RXRG: variants seen among roughly 807,000 people sequenced by gnomAD.
RXRG encodes retinoic acid receptor RXR-gamma.
A neutral mutation model predicts 49.2 loss-of-function variants in RXRG; 19 were observed. The observed-to-expected ratio is 0.39, with a 90% CI of 0.27 to 0.57. The LOEUF (loss-of-function observed/expected upper bound fraction) is 0.57, where lower values mean the gene tolerates loss of function less well. Ranked by LOEUF, RXRG falls within the 20% of genes least tolerant of loss-of-function variation. The probability of loss-of-function intolerance (pLI) is 0.64; values close to 1 mark genes in which losing one functional copy is unlikely to be tolerated. For synonymous variants in RXRG, 224 were observed against 216.6 expected, an observed-to-expected ratio of 1.03 and a Z score of -0.30; for missense variants, 452 against 592.5, an observed-to-expected ratio of 0.76 and a Z score of 2.46.
At chr1:165,441,661 T>C (rs1044890758) in intron 1 of RXRG, among the ~76,000 whole-genome samples, 2 of 152,130 alleles carry the variant, frequency 1.3e-5, no homozygotes, top group Non-Finnish European at 2.9e-5. Flanking sequence ...GTTTGTTAAA[T>C]GAAATGAGAG....
intron 1 of RXRG, among the ~76,000 whole-genome samples, chr1:165,441,796 A>T (rs914679234): frequency 6.6e-6 from 1 of 152,150 alleles, no homozygotes; most frequent in Non-Finnish European, 1.5e-5. Context: ...AGAAAAACAA[A>T]CCTATTACTG....
intron 1 of RXRG, among the ~76,000 whole-genome samples, chr1:165,440,764 C>G (rs157886): frequency 4.0e-5 from 6 of 151,898 alleles, no homozygotes; most frequent in Admixed American, 2.6e-4. Context: ...GGCACACCCG[C>G]GATCCAATGC....
At chr1:165,407,835 G>T (rs1657804249) in intron 8 of RXRG, among the ~76,000 whole-genome samples, 1 of 137,106 alleles carries the variant, frequency 7.3e-6, no homozygotes. Flanking sequence ...TTTTCCCATT[G>T]TTCAGGAAAA....
chr1:165,421,451 G>GA (rs999358743), intron 2 of RXRG, among the ~76,000 whole-genome samples: 1 of 150,286 alleles, frequency 6.7e-6, no homozygotes, highest in Non-Finnish European at 1.5e-5. Flanking sequence ...TGGGGGCTTT[G>GA]AAAAAAAACA....
chr1:165,438,274 A>G (rs1420366415), intron 1 of RXRG, among the ~76,000 whole-genome samples: 1 of 152,208 alleles, frequency 6.6e-6, no homozygotes, highest in African/African-American at 2.4e-5. Flanking sequence ...GCTCAAAGGA[A>G]ATGCTAATTG....
At chr1:165,405,477 G>A (rs971531473) in intron 9 of RXRG, among the ~76,000 whole-genome samples, 3 of 152,266 alleles carry the variant, frequency 2.0e-5, no homozygotes, top group Non-Finnish European at 4.4e-5. Flanking sequence ...GCTGGGCCAC[G>A]TGACTTGGCA....
intron 9 of RXRG, among the ~76,000 whole-genome samples, chr1:165,403,417 A>G (rs907642537): frequency 2.6e-5 from 4 of 152,238 alleles, no homozygotes; most frequent in Admixed American, 6.5e-5. Context: ...TAGAATTTCA[A>G]TGTTCCTTGA....
chr1:165,437,663 C>T (rs568328783), intron 1 of RXRG, among the ~76,000 whole-genome samples: 24 of 152,106 alleles, frequency 1.6e-4, no homozygotes, highest in Admixed American at 3.3e-4. Flanking sequence ...ACTTTAGGAA[C>T]GAGAGGAGAA....
chr1:165,434,089 T>G (rs765412756), intron 1 of RXRG, among the ~76,000 whole-genome samples: 1 of 152,190 alleles, frequency 6.6e-6, no homozygotes, highest in Non-Finnish European at 1.5e-5. Flanking sequence ...TCCTCATTCA[T>G]AAATTGAGAC....
At chr1:165,425,595 A>C (rs758058414) in intron 2 of RXRG, among the ~76,000 whole-genome samples, 22 of 152,212 alleles carry the variant, frequency 1.4e-4, no homozygotes, top group Non-Finnish European at 2.8e-4. Flanking sequence ...ACAGGAAAGA[A>C]AGGAAACAAA....
At chr1:165,444,760 A>G (rs964435986) in intron 1 of RXRG, 85 bp downstream of exon 1, 13 of 1,187,668 alleles carry the variant, frequency 1.1e-5, no homozygotes, top group South Asian at 2.5e-5. Context: ...TTTTAATTCA[A>G]TACTAATCCA....
intron 1 of RXRG, among the ~76,000 whole-genome samples, chr1:165,433,890 G>T (rs1453056451): frequency 2.0e-5 from 3 of 152,176 alleles, no homozygotes; most frequent in African/African-American, 7.2e-5. Flanking sequence ...AACTGAGAAG[G>T]GAATCTGTAC....
chr1:165,410,590 T>G (rs1321409261), intron 6 of RXRG, 112 bp downstream of exon 6: 2 of 1,213,918 alleles, frequency 1.6e-6, no homozygotes, highest in Non-Finnish European at 1.2e-6. Context: ...TATTTCATCA[T>G]CAGCATGGTA....
At chr1:165,431,030 T>C (rs1342710538) in intron 1 of RXRG, among the ~76,000 whole-genome samples, 1 of 152,220 alleles carries the variant, frequency 6.6e-6, no homozygotes, top group East Asian at 1.9e-4. Flanking sequence ...TGTTATACTG[T>C]ATCACTATAT....
At chr1:165,413,221 G>A (rs188796014) in intron 4 of RXRG, among the ~76,000 whole-genome samples, 23 of 152,122 alleles carry the variant, frequency 1.5e-4, no homozygotes, top group South Asian at 4.2e-4. Context: ...CTACTGTTAC[G>A]ACACACATCA....
intron 9 of RXRG, among the ~76,000 whole-genome samples, chr1:165,401,847 A>G (rs1011090306): frequency 2.0e-5 from 3 of 152,234 alleles, no homozygotes; most frequent in Non-Finnish European, 4.4e-5. Flanking sequence ...AGCTGTCACC[A>G]TTAGATGACA....
At chr1:165,437,157 C>T (rs773822088) in intron 1 of RXRG, 1 of 1,367,766 alleles carries the variant, frequency 7.3e-7, no homozygotes, top group Non-Finnish European at 9.8e-7. Flanking sequence ...TTTCACAGCC[C>T]TAGCGATGTG....
chr1:165,415,897 A>C (rs1658108154), intron 4 of RXRG, among the ~76,000 whole-genome samples: 1 of 152,200 alleles, frequency 6.6e-6, no homozygotes, highest in South Asian at 2.1e-4. Flanking sequence ...ACCTGGGGTC[A>C]GTTCATTAAC....
At chr1:165,437,228 C>T (rs1658843602) in intron 1 of RXRG, 5 of 1,367,040 alleles carry the variant, frequency 3.7e-6, no homozygotes, top group Non-Finnish European at 4.9e-6. Context: ...GCCAGTCAGT[C>T]AGTCAGCCAG....
Sources: gnomAD v4.1 joint callset for allele counts (sites outside exome capture counted in the v4.1 genomes callset) on GRCh38, gnomAD v4.1.1 for gene constraint, MANE v1.5 for transcripts, NCBI Gene and HGNC (gene_info 2026-07-23, HGNC 2026-07-21) for gene names.